DLG2: variants seen among roughly 807,000 people sequenced by gnomAD.
The protein encoded by DLG2 is discs large MAGUK scaffold protein 2.
Under a neutral mutation model 132.5 loss-of-function variants are expected in DLG2, and 45 were observed. The ratio of observed to expected loss-of-function variants is 0.34; its 90% CI spans 0.27 to 0.44. The LOEUF (loss-of-function observed/expected upper bound fraction) is 0.44, where lower values mean the gene tolerates loss of function less well. DLG2 is among the 20% of genes least tolerant of loss of function. DLG2 has a pLI of 1.00. For missense variants in DLG2, 1,045 were observed against 1,196.9 expected, an observed-to-expected ratio of 0.87 and a Z score of 1.87; for synonymous variants, 424 against 419.6, an observed-to-expected ratio of 1.01 and a Z score of -0.13.
chr11:85,042,658 TAATA>T (rs1340631155), intron 6 of DLG2, among the ~76,000 whole-genome samples: 1 of 151,918 alleles, frequency 6.6e-6, no homozygotes, highest in African/African-American at 2.4e-5. Context: ...GTTATTTTCT[TAATA>T]AATAAGTTGG....
chr11:83,876,283 T>C (rs192844038), intron 15 of DLG2, among the ~76,000 whole-genome samples: 360 of 152,300 alleles, frequency 2.4e-3, no homozygotes, highest in Non-Finnish European at 4.2e-3. Context: ...TAAACCATTA[T>C]GATTTAGCAG....
intron 18 of DLG2, among the ~76,000 whole-genome samples, chr11:83,662,160 TA>T (rs1444464023): frequency 1.3e-5 from 2 of 151,854 alleles, no homozygotes; most frequent in East Asian, 3.9e-4. Context: ...AGTTCATGTC[TA>T]CCCACTGTAG....
At chr11:84,427,305 G>GATTC (rs2098970072) in intron 7 of DLG2, among the ~76,000 whole-genome samples, 1 of 152,152 alleles carries the variant, frequency 6.6e-6, no homozygotes, top group South Asian at 2.1e-4. Context: ...ACAATAGGTA[G>GATTC]ATTCTTCACA....
intron 4 of DLG2, among the ~76,000 whole-genome samples, chr11:85,195,815 C>T (rs1306862982): frequency 3.3e-5 from 5 of 151,986 alleles, no homozygotes; most frequent in African/African-American, 1.2e-4. Flanking sequence ...CCTGAGCCAC[C>T]GCGCCCGGCC....
At chr11:84,180,292 T>A (rs1348506242) in intron 8 of DLG2, among the ~76,000 whole-genome samples, 3 of 152,024 alleles carry the variant, frequency 2.0e-5, no homozygotes, top group African/African-American at 4.8e-5. Flanking sequence ...AGTTTGAGGA[T>A]ACAATAATAG....
At chr11:85,181,050 A>G (rs2079658064) in intron 4 of DLG2, among the ~76,000 whole-genome samples, 1 of 151,768 alleles carries the variant, frequency 6.6e-6, no homozygotes, top group Non-Finnish European at 1.5e-5. Flanking sequence ...TTATTATTTA[A>G]TATTCTTCAA....
intron 7 of DLG2, among the ~76,000 whole-genome samples, chr11:84,307,716 A>AG (rs2098239280): frequency 6.7e-6 from 1 of 148,906 alleles, no homozygotes; most frequent in African/African-American, 2.5e-5. Flanking sequence ...AAAAAAAAAA[A>AG]GAAGCCGCGG....
At chr11:84,806,088 G>A (rs1398563771) in intron 6 of DLG2, among the ~76,000 whole-genome samples, 1 of 152,048 alleles carries the variant, frequency 6.6e-6, no homozygotes, top group Non-Finnish European at 1.5e-5. Flanking sequence ...GAATAAAAGA[G>A]ACAAAAGAAA....
chr11:83,849,370 G>A lies in DLG2; in HGVS notation c.1566-15600C>T, dbSNP rs573979735. Reference sequence around the variant, plus strand: ...AATAAAAAATTGCAAGCTCTTAATAGCCATTCAAATGTTTATCGAGCATAA... The same window carrying A: ...AATAAAAAATTGCAAGCTCTTAATAACCATTCAAATGTTTATCGAGCATAA... On this transcript the variant is annotated intron_variant, in intron 16 of 27. Transcript: ENST00000376104. Among the ~76,000 whole-genome samples the A allele has an allele frequency of 2.7e-5, 4 of 150,398 alleles. No homozygotes were observed. The East Asian group carries it at 7.8e-4, about 29-fold the overall frequency.
At chr11:84,306,069 C>T (rs1366400742) in intron 7 of DLG2, among the ~76,000 whole-genome samples, 1 of 152,048 alleles carries the variant, frequency 6.6e-6, no homozygotes, top group African/African-American at 2.4e-5. Context: ...TTTCTGTTCA[C>T]TAGGGACTAA....
intron 2 of DLG2, among the ~76,000 whole-genome samples, chr11:85,607,573 A>G (rs1249751270): frequency 6.6e-6 from 1 of 151,534 alleles, no homozygotes; most frequent in Non-Finnish European, 1.5e-5. Flanking sequence ...TTTCTCCTAT[A>G]AGAATGATTT....
chr11:84,126,752 T>C (rs1288609307), intron 9 of DLG2, among the ~76,000 whole-genome samples: 1 of 152,220 alleles, frequency 6.6e-6, no homozygotes, highest in Admixed American at 6.5e-5. Context: ...TTTTTTCCTT[T>C]GTAGTACTTA....
chr11:85,504,034 C>T (rs538618614), intron 3 of DLG2, among the ~76,000 whole-genome samples: 1 of 152,178 alleles, frequency 6.6e-6, no homozygotes, highest in African/African-American at 2.4e-5. Context: ...TGTTCATATA[C>T]TTCGCCCACT....
chr11:84,400,506 G>T (rs1414745009), intron 7 of DLG2, among the ~76,000 whole-genome samples: 1 of 152,088 alleles, frequency 6.6e-6, no homozygotes, highest in Non-Finnish European at 1.5e-5. Context: ...ATGCTAATTT[G>T]TTTGTCTCTC....
intron 7 of DLG2, among the ~76,000 whole-genome samples, chr11:84,251,877 A>G (rs913879792): frequency 2.0e-5 from 3 of 151,804 alleles, no homozygotes; most frequent in African/African-American, 4.8e-5. Flanking sequence ...TGACCTTGTG[A>G]TCTACCCACC....
chr11:84,061,901 T>C (rs1264284187), intron 10 of DLG2, among the ~76,000 whole-genome samples: 1 of 150,300 alleles, frequency 6.7e-6, no homozygotes, highest in East Asian at 1.9e-4. Context: ...GTTTTGAGAA[T>C]GTAGGCATCA....
chr11:85,178,035 G>T (rs1415675459), intron 4 of DLG2, among the ~76,000 whole-genome samples: 2 of 151,884 alleles, frequency 1.3e-5, no homozygotes, highest in Non-Finnish European at 2.9e-5. Flanking sequence ...TGACTAAAAA[G>T]ACATGAAAAC....
At chr11:84,401,206 G>C (rs2098828207) in intron 7 of DLG2, among the ~76,000 whole-genome samples, 1 of 152,086 alleles carries the variant, frequency 6.6e-6, no homozygotes, top group Admixed American at 6.5e-5. Context: ...TTCCCCCATA[G>C]AAGATGCATA....
chr11:83,585,866 G>A (rs1245857311), intron 19 of DLG2, among the ~76,000 whole-genome samples: 1 of 152,126 alleles, frequency 6.6e-6, no homozygotes, highest in Non-Finnish European at 1.5e-5. Context: ...CATTACCATG[G>A]TATAATTATG....
Sources: allele counts gnomAD v4.1 joint callset (sites outside exome capture counted in the v4.1 genomes callset), GRCh38; gene constraint gnomAD v4.1.1; transcripts MANE v1.5; gene names NCBI Gene and HGNC (gene_info 2026-07-23, HGNC 2026-07-21).